ASIC2: variants seen among roughly 807,000 people sequenced by gnomAD.
The protein encoded by ASIC2 is acid-sensing ion channel 2.
In ASIC2, 25 loss-of-function variants were observed where a neutral mutation model predicts 57.3. That is an observed-to-expected ratio of 0.44 (90% CI 0.32 to 0.61). ASIC2 has a LOEUF of 0.61. ASIC2 is among the 20% of genes least tolerant of loss of function. The pLI, the probability that ASIC2 is intolerant of heterozygous loss-of-function variation, is 0.06. For missense variants in ASIC2, 641 were observed against 738.1 expected, an observed-to-expected ratio of 0.87 and a Z score of 1.52; for synonymous variants, 319 against 307.5, an observed-to-expected ratio of 1.04 and a Z score of -0.39.
chr17:33,274,608 A>G lies in ASIC2; in HGVS notation c.708+16800T>C, dbSNP rs143936174. On this transcript the variant is annotated intron_variant, in intron 1 of 9. Transcript: ENST00000225823. ...GTCCATCCTAAGAAAGACTGCATAT[A>G]TCAGTGACTCCAGCTAAAAAATACC... 2.2e-4 allele frequency among the ~76,000 whole-genome samples: 34 copies of G among 151,664 alleles called. No individual in the cohort carries two copies. In the East Asian group the frequency reaches 5.8e-3, roughly 26 times the overall value.
At chr17:33,652,875 GA>G (rs1906961552) in intron 1 of ASIC2, among the ~76,000 whole-genome samples, 1 of 152,204 alleles carries the variant, frequency 6.6e-6, no homozygotes, top group Admixed American at 6.5e-5. Context: ...TAGACCACCA[GA>G]AACCTAAAGG....
chr17:33,133,024 T>C (rs2092353618), intron 1 of ASIC2, among the ~76,000 whole-genome samples: 1 of 152,030 alleles, frequency 6.6e-6, no homozygotes. Context: ...CTTCTGAGGG[T>C]AAAGTGTGTA....
At chr17:34,077,205 T>C (rs1214223479) in intron 1 of ASIC2, among the ~76,000 whole-genome samples, 2 of 152,178 alleles carry the variant, frequency 1.3e-5, no homozygotes, top group South Asian at 2.1e-4. Flanking sequence ...CTCAGGGAGA[T>C]GGGAAAGAGG....
At chr17:33,400,054 T>C (rs753071550) in intron 1 of ASIC2, among the ~76,000 whole-genome samples, 9 of 152,330 alleles carry the variant, frequency 5.9e-5, no homozygotes, top group Admixed American at 2.6e-4. Context: ...TTCTGGACCA[T>C]ACATTATTAA....
chr17:33,057,860 A>G (rs1424324516), intron 3 of ASIC2, among the ~76,000 whole-genome samples: 1 of 152,226 alleles, frequency 6.6e-6, no homozygotes, highest in Admixed American at 6.5e-5. Flanking sequence ...CATCAGAGTC[A>G]GCACACTTCT....
intron 1 of ASIC2, among the ~76,000 whole-genome samples, chr17:33,744,275 G>A (rs1161339715): frequency 1.3e-5 from 2 of 152,156 alleles, no homozygotes; most frequent in Non-Finnish European, 2.9e-5. Context: ...CAATTTAAAT[G>A]GACCAAACTG....
chr17:33,908,964 G>GT (rs1377380688), intron 1 of ASIC2, among the ~76,000 whole-genome samples: 1 of 152,138 alleles, frequency 6.6e-6, no homozygotes, highest in Non-Finnish European at 1.5e-5. Flanking sequence ...TCCCCTGACT[G>GT]TTTTCTTAGT....
rs149533739 is a variant in ASIC2 at position 33,957,807 on chromosome 17, A to G, written c.555+198171T>C. Among the ~76,000 whole-genome samples the G allele has an allele frequency of 3.8e-3, 580 of 152,218 alleles. 4 individuals carry two copies. The highest frequency in any genetic ancestry group is 0.013 in the African/African-American group (557 of 41,526). Reference sequence around the variant, plus strand: ...ATCATGCCTTCCCAACAGTCCCCCAAAGTCTTAACTTATTTCAGCATTAAC... The same window carrying G: ...ATCATGCCTTCCCAACAGTCCCCCAGAGTCTTAACTTATTTCAGCATTAAC... On this transcript the variant is annotated intron_variant, in intron 1 of 9. Transcript: ENST00000359872.
chr17:33,596,998 T>C (rs1905000260), intron 1 of ASIC2, among the ~76,000 whole-genome samples: 1 of 152,246 alleles, frequency 6.6e-6, no homozygotes, highest in Non-Finnish European at 1.5e-5. Context: ...GCTGGTGCTC[T>C]ACAAACATTT....
chr17:33,022,616 T>C (rs572729526), intron 6 of ASIC2, among the ~76,000 whole-genome samples: 2 of 152,364 alleles, frequency 1.3e-5, no homozygotes, highest in African/African-American at 4.8e-5. Context: ...TGGTCTCTGC[T>C]GAGCTTCTGC....
At chr17:33,580,615 G>A (rs186705071) in intron 1 of ASIC2, among the ~76,000 whole-genome samples, 1 of 152,208 alleles carries the variant, frequency 6.6e-6, no homozygotes, top group African/African-American at 2.4e-5. Flanking sequence ...AGGATTAGGA[G>A]GAGTTAAGAA....
At chr17:33,461,550 G>A (rs937219132) in intron 1 of ASIC2, among the ~76,000 whole-genome samples, 4 of 152,110 alleles carry the variant, frequency 2.6e-5, no homozygotes, top group Non-Finnish European at 4.4e-5. Context: ...CATGATCAGG[G>A]GCACTTAGAG....
At chr17:33,498,165 A>T (rs1200481236) in intron 1 of ASIC2, among the ~76,000 whole-genome samples, 1 of 152,258 alleles carries the variant, frequency 6.6e-6, no homozygotes, top group Non-Finnish European at 1.5e-5. Context: ...TAATGTGCTC[A>T]CAGTTGCTTC....
intron 1 of ASIC2, among the ~76,000 whole-genome samples, chr17:33,539,284 A>G (rs959090979): frequency 1.3e-5 from 2 of 152,254 alleles, no homozygotes; most frequent in African/African-American, 4.8e-5. Context: ...ATGGGCAGCC[A>G]GATGGAGAGC....
At chr17:34,129,907 C>T (rs1350787976) in intron 1 of ASIC2, among the ~76,000 whole-genome samples, 1 of 152,176 alleles carries the variant, frequency 6.6e-6, no homozygotes, top group Admixed American at 6.5e-5. Context: ...CATGTCCTGC[C>T]TCTCAAGGGG....
intron 2 of ASIC2, among the ~76,000 whole-genome samples, chr17:33,102,400 AT>A (rs1166789531): frequency 7.3e-5 from 11 of 151,698 alleles, no homozygotes; most frequent in East Asian, 1.9e-4. Flanking sequence ...AACTTTAAAG[AT>A]TTTTTTCTTT....
chr17:33,551,348 C>CAG (rs1915747021), intron 1 of ASIC2, among the ~76,000 whole-genome samples: 1 of 152,002 alleles, frequency 6.6e-6, no homozygotes, highest in Non-Finnish European at 1.5e-5. Context: ...GAGGTCAGGA[C>CAG]GCTGTTAGGA....
chr17:33,394,286 T>G (rs1404200841), intron 1 of ASIC2, among the ~76,000 whole-genome samples: 4 of 152,148 alleles, frequency 2.6e-5, no homozygotes, highest in Non-Finnish European at 5.9e-5. Flanking sequence ...GTGAGAATGG[T>G]GCCACAGAAA....
chr17:33,387,533 C>A (rs566484506), intron 1 of ASIC2, among the ~76,000 whole-genome samples: 19 of 152,346 alleles, frequency 1.2e-4, no homozygotes, highest in Admixed American at 1.3e-4. Context: ...TCTCACCTAG[C>A]CAGATGTAGT....
Sources: allele counts gnomAD v4.1 joint callset (sites outside exome capture counted in the v4.1 genomes callset), GRCh38; gene constraint gnomAD v4.1.1; transcripts MANE v1.5; gene names NCBI Gene and HGNC (gene_info 2026-07-23, HGNC 2026-07-21).